SNX29: variants seen among roughly 807,000 people sequenced by gnomAD.
The protein encoded by SNX29 is sorting nexin 29.
In SNX29, 78 loss-of-function variants were observed where a neutral mutation model predicts 102.1. That is an observed-to-expected ratio of 0.76 (90% CI 0.64 to 0.92). The LOEUF is 0.92. SNX29 is among the 40% of genes least tolerant of loss of function. SNX29 has a pLI of 0.00. For synonymous variants in SNX29, 580 were observed against 414.5 expected (o/e 1.40, Z -4.85); for missense variants, 1,280 against 1,061.7 (o/e 1.21, Z -2.86).
rs150156090 is a variant in SNX29, at chr16:12,210,220, G to T, written c.1678+10537G>T. ...GCCACTGCTGTCACAGTGCTGCTGG[G>T]GTCTCAGAGCAGGAGGCACATGCCT... On this transcript the variant is annotated intron_variant, in intron 14 of 20. Coordinates refer to ENST00000566228, the MANE Select transcript of SNX29 (RefSeq NM_032167.5). 5.6e-3 allele frequency among the ~76,000 whole-genome samples: 858 copies of T among 152,258 alleles called. 8 individuals are homozygous for T. The highest frequency in any genetic ancestry group is 0.019 in the African/African-American group (788 of 41,538).
At chr16:12,552,365 C>T (rs967867781) in intron 20 of SNX29, among the ~76,000 whole-genome samples, 4 of 152,154 alleles carry the variant, frequency 2.6e-5, no homozygotes, top group Admixed American at 6.5e-5. Flanking sequence ...AGCCAATACA[C>T]GTGTAAGACA....
At chr16:12,303,572 G>C (rs568348297) in intron 15 of SNX29, among the ~76,000 whole-genome samples, 1 of 152,184 alleles carries the variant, frequency 6.6e-6, no homozygotes, top group East Asian at 1.9e-4. Flanking sequence ...GAAGCTATAC[G>C]GAAAGGCAAG....
intron 19 of SNX29, among the ~76,000 whole-genome samples, chr16:12,483,119 T>TGTTTTTTTTTTG (rs1555549919): frequency 9.9e-6 from 1 of 100,560 alleles, no homozygotes. Context: ...ATTAAGTTTT[T>TGTTTTTTTTTTG]TTTTTTTTTT....
At chr16:12,173,821 C>T (rs1257112353) in intron 13 of SNX29, among the ~76,000 whole-genome samples, 1 of 152,222 alleles carries the variant, frequency 6.6e-6, no homozygotes, top group Non-Finnish European at 1.5e-5. Flanking sequence ...GAGTCTCACT[C>T]TGTTGCCCAG....
intron 16 of SNX29, among the ~76,000 whole-genome samples, chr16:12,357,298 A>G (rs189443755): frequency 6.6e-6 from 1 of 152,264 alleles, no homozygotes; most frequent in Admixed American, 6.5e-5. Context: ...AATTCTGGGT[A>G]TTATTTCATG....
In SNX29 at chr16:12,278,019, G is replaced by T; in HGVS notation, c.1765G>T (p.Glu589Ter). The change falls in exon 15 of 21, where the codon GAA becomes TAA. Residue 589 changes from glutamate to a stop codon, truncating the protein, a stop_gained. Coordinates refer to ENST00000566228, the MANE Select transcript of SNX29 (RefSeq NM_032167.5). LOFTEE classifies it high-confidence loss of function. ...EIAEELASSY[E>*]RKLIEVAEMH... ...TGCTGAAGAACTCGCAAGCTCCTACGAAAGAAAGCTCATCGAGGTAAGGCC... is the reference window on the plus strand; with the variant it reads ...TGCTGAAGAACTCGCAAGCTCCTACTAAAGAAAGCTCATCGAGGTAAGGCC... The T allele has an allele frequency of 6.2e-7, 1 of 1,602,294 alleles. No individual in the cohort carries two copies. The highest frequency in any genetic ancestry group is 8.5e-7 in the Non-Finnish European group (1 of 1,174,302).
chr16:12,545,005 G>A (rs1453909591), intron 20 of SNX29, among the ~76,000 whole-genome samples: 2 of 152,200 alleles, frequency 1.3e-5, no homozygotes, highest in Non-Finnish European at 2.9e-5. Context: ...GCACAGCTAG[G>A]AAGCAGCAGA....
At chr16:12,015,091 A>G (rs2056802949) in intron 3 of SNX29, among the ~76,000 whole-genome samples, 2 of 152,104 alleles carry the variant, frequency 1.3e-5, no homozygotes, top group Non-Finnish European at 2.9e-5. Flanking sequence ...TGCGTACACA[A>G]TTATTTACAG....
In SNX29 at chr16:12,423,698, A is replaced by G. The variant is rs183831641; in HGVS notation, c.2037+20169A>G. ...CCATTCTCCTGTCTCAGCCTCCCGA[A>G]TAGCTGGGGTTACAGGCGCGCACCA... On this transcript the variant is annotated intron_variant, in intron 18 of 20. Coordinates refer to ENST00000566228, the MANE Select transcript of SNX29 (RefSeq NM_032167.5). Among the ~76,000 whole-genome samples the G allele has an allele frequency of 1.2e-4, 19 of 152,124 alleles. No individual in the cohort carries two copies. In the East Asian group the frequency reaches 2.1e-3, roughly 17 times the overall value.
intron 15 of SNX29, among the ~76,000 whole-genome samples, chr16:12,349,675 G>C (rs115337611): frequency 1.2e-4 from 19 of 152,280 alleles, no homozygotes; most frequent in African/African-American, 4.3e-4. Context: ...AGGGATACTT[G>C]TATAGGCATC....
At chr16:12,420,971 C>G (rs973007269) in intron 18 of SNX29, among the ~76,000 whole-genome samples, 5 of 152,212 alleles carry the variant, frequency 3.3e-5, no homozygotes, top group Non-Finnish European at 7.3e-5. Flanking sequence ...GCCTGTTAGT[C>G]CTGTGTACTA....
At chr16:12,043,170 C>T in intron 5 of SNX29, 93 bp downstream of exon 5, 2 of 1,504,166 alleles carry the variant, frequency 1.3e-6, no homozygotes, top group Admixed American at 1.9e-5. Flanking sequence ...CATCCTAGTT[C>T]CCCGATCTGG....
intron 18 of SNX29, among the ~76,000 whole-genome samples, chr16:12,445,437 C>G (rs1166462435): frequency 1.3e-5 from 2 of 152,168 alleles, no homozygotes; most frequent in Non-Finnish European, 2.9e-5. Flanking sequence ...GTGCATCTCC[C>G]CAGGAGGCTG....
At chr16:12,269,131 C>T (rs984938341) in intron 14 of SNX29, among the ~76,000 whole-genome samples, 2 of 152,192 alleles carry the variant, frequency 1.3e-5, no homozygotes, top group African/African-American at 4.8e-5. Flanking sequence ...GGAGAGAAGG[C>T]TTCTTGTTTT....
At chr16:12,032,398 T>C (rs1277471817) in intron 4 of SNX29, among the ~76,000 whole-genome samples, 3 of 151,804 alleles carry the variant, frequency 2.0e-5, no homozygotes, top group African/African-American at 7.3e-5. Flanking sequence ...AGTAGATACG[T>C]GGTTTCACTA....
Position 12,356,627 on chromosome 16 carries a change from A to C in SNX29, c.1899+348A>C, listed in dbSNP as rs145123746. Among the ~76,000 whole-genome samples, 480 of 152,274 alleles carry C rather than the reference A, an allele frequency of 3.2e-3. 1 individual carries two copies. Among genetic ancestry groups the C allele is most frequent in the Non-Finnish European group, 4.0e-3 (269 of 68,020 alleles). ...TTTTGTGTTGTTAACTTTTACCTACATGGTATTACTGTTGTATGTATCTGT... is the reference window on the plus strand; with the variant it reads ...TTTTGTGTTGTTAACTTTTACCTACCTGGTATTACTGTTGTATGTATCTGT... On this transcript the variant is annotated intron_variant, in intron 16 of 20. Transcript: ENST00000566228.
chr16:12,518,287 G>A (rs1240770815), intron 19 of SNX29, among the ~76,000 whole-genome samples: 3 of 152,108 alleles, frequency 2.0e-5, no homozygotes, highest in Non-Finnish European at 4.4e-5. Context: ...ACTGGTCTAC[G>A]TGGCTCTGCA....
At chr16:12,186,388 C>G (rs1567290463) in intron 13 of SNX29, among the ~76,000 whole-genome samples, 1 of 152,126 alleles carries the variant, frequency 6.6e-6, no homozygotes, top group African/African-American at 2.4e-5. Flanking sequence ...TCCATACAAA[C>G]TTTTTTCCTG....
chr16:12,490,178 A>G (rs748116885), intron 19 of SNX29, among the ~76,000 whole-genome samples: 12 of 152,222 alleles, frequency 7.9e-5, no homozygotes, highest in Non-Finnish European at 1.6e-4. Context: ...GATTTTCACA[A>G]AATGAACACA....
Sources: gnomAD v4.1 joint callset for allele counts (sites outside exome capture counted in the v4.1 genomes callset) on GRCh38, gnomAD v4.1.1 for gene constraint, MANE v1.5 for transcripts, NCBI Gene and HGNC (gene_info 2026-07-23, HGNC 2026-07-21) for gene names.